Variants in PCDH15 observed in about 807,000 individuals in gnomAD.
PCDH15 encodes protocadherin related 15, also known as protocadherin-15.
A neutral mutation model predicts 178.5 loss-of-function variants in PCDH15; 129 were observed. The observed-to-expected ratio is 0.72, with a 90% CI of 0.63 to 0.84. The LOEUF (loss-of-function observed/expected upper bound fraction) is 0.84, where lower values mean the gene tolerates loss of function less well. Ranked by LOEUF, PCDH15 falls within the 40% of genes least tolerant of loss-of-function variation. The probability of loss-of-function intolerance (pLI) is 0.00; values close to 1 mark genes in which losing one functional copy is unlikely to be tolerated. For synonymous variants in PCDH15, 800 were observed against 732.0 expected, an observed-to-expected ratio of 1.09 and a Z score of -1.50; for missense variants, 2,230 against 2,099.9, an observed-to-expected ratio of 1.06 and a Z score of -1.21.
chr10:55,555,727 A>AT (rs907046931), intron 2 of PCDH15, among the ~76,000 whole-genome samples: 28 of 152,082 alleles, frequency 1.8e-4, no homozygotes, highest in African/African-American at 5.5e-4. Flanking sequence ...TGCTTAGTGG[A>AT]TTTTTTTTCC....
chr10:53,919,822 T>C (rs1216168241), intron 25 of PCDH15, among the ~76,000 whole-genome samples: 5 of 152,174 alleles, frequency 3.3e-5, no homozygotes, highest in Non-Finnish European at 7.3e-5. Context: ...TATACTTCTA[T>C]GCCTAGGACC....
chr10:55,386,266 C>CTTA (rs1201094397), intron 2 of PCDH15, among the ~76,000 whole-genome samples: 1 of 151,516 alleles, frequency 6.6e-6, no homozygotes, highest in African/African-American at 2.4e-5. Flanking sequence ...ACCCAGAAGT[C>CTTA]ATAAAAGAAG....
In PCDH15 at chr10:53,818,005, T is replaced by C; in HGVS notation, c.4442A>G (p.Tyr1481Cys). ...AIWRTLTRRG[Y>C]GSEQQQLLRP... ...CCATAAAGCCCTTACCTCTGATCCA[T>C]AACCTCTCCTGCAAGGCAGAAATAA... Residue 1481 changes from tyrosine (Y) to cysteine (C), a missense_variant, in exon 34 of 38, where the codon TAT (tyrosine) becomes TGT (cysteine). Physicochemically the swap from Tyr to Cys is radical, Grantham distance 194. Coordinates refer to ENST00000644397, the MANE Select transcript of PCDH15 (RefSeq NM_001384140.1). 2.5e-6 allele frequency: 1 copy of C among 398,682 alleles called. No individual in the cohort carries two copies. The highest frequency in any genetic ancestry group is 3.6e-5 in the East Asian group (1 of 27,984). 24.7% of individuals were successfully genotyped at this position (398,682 alleles called of 1,614,324 possible). A position where few individuals can be genotyped will look rare whatever the true frequency, so the allele number is the denominator to read the frequency against.
At chr10:54,292,008 G>A (rs1449796899) in intron 8 of PCDH15, among the ~76,000 whole-genome samples, 1 of 152,112 alleles carries the variant, frequency 6.6e-6, no homozygotes, top group East Asian at 1.9e-4. Flanking sequence ...GCCTGGCAGA[G>A]ACACAACAAA....
intron 3 of PCDH15, among the ~76,000 whole-genome samples, chr10:54,438,981 C>G (rs1327096356): frequency 6.6e-6 from 1 of 152,036 alleles, no homozygotes; most frequent in African/African-American, 2.4e-5. Flanking sequence ...CAGAACTTGT[C>G]TGGCTACTTT....
At position 53,940,948 on chromosome 10, in the gene PCDH15, G is replaced by A. The variant is rs1457928032; in HGVS notation, c.3150C>T (p.Thr1050=). ...AAATTACACCAACCATGGTCCCTTT[G>A]GTGGCAAGTTCACTTACTGGAGGAG... ...YRPPPVSELA[T]KGTMVGVISA... is the part of the protein sequence containing the mutation. The change falls in exon 24 of 38, where the codon ACC becomes ACT. Residue 1050 remains threonine (T), a synonymous_variant. Transcript: ENST00000644397. The A allele has an allele frequency of 1.2e-6, 2 of 1,613,270 alleles. No individual in the cohort carries two copies. The highest frequency in any genetic ancestry group is 1.7e-6 in the Non-Finnish European group (2 of 1,179,414).
At chr10:55,426,350 T>C (rs761961819) in intron 2 of PCDH15, among the ~76,000 whole-genome samples, 5 of 152,216 alleles carry the variant, frequency 3.3e-5, no homozygotes, top group African/African-American at 7.2e-5. Context: ...ATCTGGCTGC[T>C]CTGGTGCCGG....
chr10:53,821,866 A>C, intron 32 of PCDH15: 1 of 1,613,092 alleles, frequency 6.2e-7, no homozygotes, highest in Non-Finnish European at 8.5e-7. Flanking sequence ...CATTACAGTG[A>C]AGTAGATTGA....
At chr10:54,578,655 C>T (rs1213871247) in intron 2 of PCDH15, among the ~76,000 whole-genome samples, 1 of 152,094 alleles carries the variant, frequency 6.6e-6, no homozygotes, top group Non-Finnish European at 1.5e-5. Context: ...CTGTTGAAGG[C>T]TAATGAACAA....
chr10:54,814,376 G>C (rs1425940065), intron 3 of PCDH15, among the ~76,000 whole-genome samples: 3 of 151,960 alleles, frequency 2.0e-5, no homozygotes, highest in Non-Finnish European at 4.4e-5. Flanking sequence ...TGACAACACA[G>C]AAAAAAATTA....
At chr10:55,169,678 A>G (rs1839280147) in intron 1 of PCDH15, among the ~76,000 whole-genome samples, 1 of 152,184 alleles carries the variant, frequency 6.6e-6, no homozygotes, top group Non-Finnish European at 1.5e-5. Context: ...TGATACAAAT[A>G]TGAAACTACG....
chr10:53,970,470 A>G (rs1314391424), intron 21 of PCDH15, among the ~76,000 whole-genome samples: 1 of 151,270 alleles, frequency 6.6e-6, no homozygotes, highest in Non-Finnish European at 1.5e-5. Context: ...GAAACAAAAA[A>G]CTCTTCCAAA....
At chr10:54,378,351 G>A (rs1318338238) in intron 4 of PCDH15, among the ~76,000 whole-genome samples, 2 of 151,432 alleles carry the variant, frequency 1.3e-5, no homozygotes, top group Non-Finnish European at 2.9e-5. Context: ...CATTTCCACA[G>A]TTTTGCCCTT....
intron 26 of PCDH15, among the ~76,000 whole-genome samples, chr10:53,879,894 C>T (rs754343545): frequency 7.2e-5 from 11 of 152,190 alleles, no homozygotes; most frequent in East Asian, 1.9e-4. Flanking sequence ...TCATGTGTTC[C>T]GCCTGCCTTG....
chr10:55,136,108 T>G (rs552677205), intron 2 of PCDH15, among the ~76,000 whole-genome samples: 15 of 152,150 alleles, frequency 9.9e-5, no homozygotes, highest in Non-Finnish European at 1.8e-4. Flanking sequence ...AGTAACATTA[T>G]GAAAATAATA....
intron 2 of PCDH15, among the ~76,000 whole-genome samples, chr10:55,031,265 T>TA: frequency 6.6e-6 from 1 of 152,152 alleles, no homozygotes; most frequent in Non-Finnish European, 1.5e-5. Context: ...AAAGATTTAA[T>TA]AAAAAATGCA....
At chr10:54,423,514 A>C (rs1057133986) in intron 3 of PCDH15, among the ~76,000 whole-genome samples, 3 of 151,822 alleles carry the variant, frequency 2.0e-5, no homozygotes, top group African/African-American at 7.3e-5. Context: ...CACAGTAAGG[A>C]GATGGATCAT....
At chr10:54,629,190 A>C (rs549428886) in intron 2 of PCDH15, among the ~76,000 whole-genome samples, 1 of 152,286 alleles carries the variant, frequency 6.6e-6, no homozygotes, top group African/African-American at 2.4e-5. Flanking sequence ...CTGAGAAAAC[A>C]TCATTTTTGT....
At chr10:54,458,774 T>C (rs537294250) in intron 3 of PCDH15, among the ~76,000 whole-genome samples, 1 of 152,264 alleles carries the variant, frequency 6.6e-6, no homozygotes, top group South Asian at 2.1e-4. Flanking sequence ...AACAACGTAT[T>C]CAGGGGCCAA....
Sources: gnomAD v4.1 joint callset for allele counts (sites outside exome capture counted in the v4.1 genomes callset) on GRCh38, gnomAD v4.1.1 for gene constraint, MANE v1.5 for transcripts, NCBI Gene and HGNC (gene_info 2026-07-23, HGNC 2026-07-21) for gene names.